RALGPS2: variants seen among roughly 807,000 people sequenced by gnomAD.
RALGPS2 encodes ras-specific guanine nucleotide-releasing factor RalGPS2.
In RALGPS2, 43 loss-of-function variants were observed where a neutral mutation model predicts 86.8. The ratio of observed to expected loss-of-function variants is 0.50; its 90% CI spans 0.39 to 0.64. RALGPS2 has a LOEUF of 0.64. RALGPS2 is among the 30% of genes least tolerant of loss of function. The pLI is 0.00. For synonymous variants in RALGPS2, 243 were observed against 231.3 expected, an observed-to-expected ratio of 1.05 and a Z score of -0.46; for missense variants, 536 against 694.6, an observed-to-expected ratio of 0.77 and a Z score of 2.57.
intron 8 of RALGPS2, chr1:178,865,780 G>A: frequency 6.4e-7 from 1 of 1,562,350 alleles, no homozygotes; most frequent in Non-Finnish European, 8.6e-7. Flanking sequence ...TCTTCATTTT[G>A]AAATGAGGTT....
chr1:178,746,686 G>C (rs534892946), intron 1 of RALGPS2: 11 of 773,334 alleles, frequency 1.4e-5, no homozygotes, highest in African/African-American at 6.8e-5. Flanking sequence ...ATGAATATTA[G>C]GTATCTGTCA....
intron 6 of RALGPS2, among the ~76,000 whole-genome samples, chr1:178,816,455 AT>A (rs931160293): frequency 2.0e-5 from 3 of 151,906 alleles, no homozygotes; most frequent in African/African-American, 7.3e-5. Context: ...AGTTGTAGGG[AT>A]TTTTTTAATG....
chr1:178,890,936 A>G (rs1659689828), intron 14 of RALGPS2, among the ~76,000 whole-genome samples: 1 of 152,078 alleles, frequency 6.6e-6, no homozygotes, highest in Non-Finnish European at 1.5e-5. Flanking sequence ...AATTTGTTCA[A>G]ATTGTCTTTC....
At chr1:178,821,880 G>T (rs1655524192) in intron 7 of RALGPS2, among the ~76,000 whole-genome samples, 176 bp downstream of exon 7, 1 of 151,924 alleles carries the variant, frequency 6.6e-6, no homozygotes, top group Admixed American at 6.6e-5. Flanking sequence ...CAGTGCACTG[G>T]GTATAAGGTA....
intron 9 of RALGPS2, among the ~76,000 whole-genome samples, chr1:178,877,905 G>T (rs776827293): frequency 6.6e-6 from 1 of 151,950 alleles, no homozygotes; most frequent in Non-Finnish European, 1.5e-5. Context: ...CTTTCTCACA[G>T]CACAAAGGCA....
chr1:178,787,046 TAGA>T (rs1445557241), intron 4 of RALGPS2, among the ~76,000 whole-genome samples: 3 of 151,658 alleles, frequency 2.0e-5, no homozygotes, highest in East Asian at 3.9e-4. Flanking sequence ...GGATTAGCAA[TAGA>T]AGAAGAACAA....
chr1:178,912,320 T>C (rs927061982), intron 19 of RALGPS2, among the ~76,000 whole-genome samples: 12 of 152,206 alleles, frequency 7.9e-5, no homozygotes, highest in African/African-American at 2.9e-4. Context: ...GTGGTGGCAG[T>C]TATTTTTCTT....
intron 1 of RALGPS2, among the ~76,000 whole-genome samples, chr1:178,736,313 C>G (rs190288892): frequency 9.7e-4 from 147 of 151,960 alleles, no homozygotes; most frequent in African/African-American, 3.1e-3. Flanking sequence ...AGGTGCCTAC[C>G]ACCATGCCTG....
At chr1:178,849,855 T>C (rs1196416775) in intron 8 of RALGPS2, 1 of 152,232 alleles carries the variant, frequency 6.6e-6, no homozygotes, top group African/African-American at 2.4e-5. Flanking sequence ...GCCTCACACA[T>C]TTCAATTCGA....
intron 2 of RALGPS2, among the ~76,000 whole-genome samples, chr1:178,780,568 G>A (rs1360823468): frequency 6.6e-6 from 1 of 151,998 alleles, no homozygotes; most frequent in East Asian, 1.9e-4. Flanking sequence ...TCTTCAAAAT[G>A]GCCCCAAATT....
At chr1:178,827,707 T>A (rs2102237615) in intron 7 of RALGPS2, among the ~76,000 whole-genome samples, 1 of 152,286 alleles carries the variant, frequency 6.6e-6, no homozygotes. Flanking sequence ...TACTCTCTGA[T>A]TTTAAAATAC....
At chr1:178,748,460 T>C (rs1385628218) in intron 1 of RALGPS2, among the ~76,000 whole-genome samples, 1 of 152,214 alleles carries the variant, frequency 6.6e-6, no homozygotes, top group Non-Finnish European at 1.5e-5. Context: ...AAACAAATTG[T>C]GATGTGACTA....
intron 1 of RALGPS2, among the ~76,000 whole-genome samples, chr1:178,760,120 G>A (rs557209099): frequency 6.6e-6 from 1 of 152,226 alleles, no homozygotes; most frequent in East Asian, 1.9e-4. Flanking sequence ...GTACTGTGTT[G>A]AATAACAGTG....
chr1:178,851,307 G>A (rs2102291183), intron 8 of RALGPS2: 1 of 1,607,518 alleles, frequency 6.2e-7, no homozygotes, highest in South Asian at 1.1e-5. Flanking sequence ...ATGAAAGTGG[G>A]CGCAGTTTCC....
chr1:178,822,996 A>G (rs1467113186), intron 7 of RALGPS2, among the ~76,000 whole-genome samples: 1 of 152,086 alleles, frequency 6.6e-6, no homozygotes, highest in Non-Finnish European at 1.5e-5. Context: ...TTTTTTAAAA[A>G]GTTTTTATAG....
At chr1:178,804,176 T>A (rs1029864234) in intron 4 of RALGPS2, among the ~76,000 whole-genome samples, 1 of 151,262 alleles carries the variant, frequency 6.6e-6, no homozygotes, top group Non-Finnish European at 1.5e-5. Flanking sequence ...TATAGCAAAA[T>A]CCTAACTCAG....
intron 7 of RALGPS2, among the ~76,000 whole-genome samples, chr1:178,828,730 C>G (rs923312524): frequency 6.6e-6 from 1 of 152,210 alleles, no homozygotes; most frequent in Non-Finnish European, 1.5e-5. Context: ...TATCATCTCA[C>G]ACCTGTTAGA....
At chr1:178,867,894 C>T (rs982303789) in intron 8 of RALGPS2, among the ~76,000 whole-genome samples, 1 of 152,016 alleles carries the variant, frequency 6.6e-6, no homozygotes, top group Admixed American at 6.6e-5. Context: ...CTTTCACTTT[C>T]TAAAACCATG....
rs190442167 is a variant in RALGPS2 at position 178,909,083 on chromosome 1, C to G, written c.1722+2216C>G. Among the ~76,000 whole-genome samples the G allele has an allele frequency of 4.6e-5, 7 of 152,096 alleles. No homozygotes were observed. The East Asian group carries it at 1.4e-3, about 29-fold the overall frequency. On this transcript the variant is annotated intron_variant, in intron 19 of 19. Coordinates refer to ENST00000367635, the MANE Select transcript of RALGPS2 (RefSeq NM_152663.5). ...TCCATCTTGAGTTGATTTTTGTATACAGTGTAAGGAAGGGGTCCAGTTTTA... is the reference window on the plus strand; with the variant it reads ...TCCATCTTGAGTTGATTTTTGTATAGAGTGTAAGGAAGGGGTCCAGTTTTA...
Sources: gnomAD v4.1 joint callset for allele counts (sites outside exome capture counted in the v4.1 genomes callset) on GRCh38, gnomAD v4.1.1 for gene constraint, MANE v1.5 for transcripts, NCBI Gene and HGNC (gene_info 2026-07-23, HGNC 2026-07-21) for gene names.